Variants in OSGIN1 observed in about 807,000 individuals in gnomAD.
OSGIN1 encodes the protein oxidative stress induced growth inhibitor 1, also known as oxidative stress-induced growth inhibitor 1.
Under a neutral mutation model 20.1 loss-of-function variants are expected in OSGIN1, and 19 were observed. That is an observed-to-expected ratio of 0.95 (90% CI 0.66 to 1.39). The LOEUF (loss-of-function observed/expected upper bound fraction) is 1.39. OSGIN1 is among the 40% of genes most tolerant of loss of function. OSGIN1 has a pLI of 0.00. For missense variants in OSGIN1, 820 were observed against 653.0 expected (o/e 1.26, Z -2.79); for synonymous variants, 368 against 297.8 (o/e 1.24, Z -2.43).
intron 5 of OSGIN1, among the ~76,000 whole-genome samples, chr16:83,963,944 C>T (rs2084245506): frequency 6.6e-6 from 1 of 152,214 alleles, no homozygotes; most frequent in Non-Finnish European, 1.5e-5. Context: ...CCTGCTGCTG[C>T]GTGGGCTGGG....
At position 83,953,289 on chromosome 16, in the gene OSGIN1, G is replaced by T. The variant is rs1294248084; in HGVS notation, c.-114G>T. ...TAATGGGTGTCCCGATCTCGCGGGGGACTCTGTGATCCGTGTTCCCCTGAC... is the reference window on the plus strand; with the variant it reads ...TAATGGGTGTCCCGATCTCGCGGGGTACTCTGTGATCCGTGTTCCCCTGAC... On this transcript the variant is annotated 5_prime_UTR_variant, in exon 1 of 6. Transcript: ENST00000393306. 3.4e-5 allele frequency: 44 copies of T among 1,288,344 alleles called. No homozygotes were observed. The highest frequency in any genetic ancestry group is 4.0e-5 in the Non-Finnish European group (40 of 988,084). The allele number at this position is 1,288,344 out of a possible 1,614,324, so 79.8% of individuals were successfully genotyped here.
intron 1 of OSGIN1, chr16:83,954,705 T>C: frequency 1.0e-6 from 1 of 971,400 alleles, no homozygotes; most frequent in Non-Finnish European, 1.2e-6. Context: ...TTCAAGAGCC[T>C]GAGGACAGTC....
chr16:83,960,690 G>A lies in OSGIN1; in HGVS notation c.326G>A (p.Trp109Ter). ...FGGNMKSVLT[W>*]KHRKEHAIPH... ...GGAAACATGAAGTCGGTCCTCACCT[G>A]GAAGCACCGGAAGGAGCACGCCATC... The change falls in exon 4 of 6, where the codon TGG becomes TAG. Residue 109 changes from tryptophan to a stop codon, truncating the protein, a stop_gained. Coordinates refer to ENST00000393306, the MANE Select transcript of OSGIN1 (RefSeq NM_182981.3). LOFTEE classifies it high-confidence loss of function. 1 of 1,613,588 alleles carries A rather than the reference G, an allele frequency of 6.2e-7. No homozygotes were observed. Among genetic ancestry groups the A allele is most frequent in the South Asian group, 1.1e-5 (1 of 91,088 alleles).
intron 5 of OSGIN1, among the ~76,000 whole-genome samples, chr16:83,964,137 C>G (rs1297940129): frequency 1.3e-5 from 2 of 152,066 alleles, no homozygotes; most frequent in Non-Finnish European, 2.9e-5. Context: ...AACCCCATCT[C>G]TAATAAAAAT....
rs753420128 is a variant in OSGIN1 at position 83,957,682 on chromosome 16, C to G, written c.11C>G (p.Ser4Cys). The stretch of plus-strand genomic sequence containing the variant: ...AGCCCCCCACCAGCCATGAGCTCCT[C>G]CAGAAAGGACCACCTCGGCGCCAGC... The part of the protein sequence containing the change: MSS[S>C]RKDHLGASSS... Residue 4 changes from serine (S) to cysteine (C), a missense_variant, in exon 2 of 6, where the codon TCC (serine) becomes TGC (cysteine). By Grantham distance (112) the Ser-to-Cys change is moderately radical. Transcript: ENST00000393306. The G allele has an allele frequency of 1.9e-6, 3 of 1,606,822 alleles. No homozygotes were observed. The highest frequency in any genetic ancestry group is 2.6e-6 in the Non-Finnish European group (3 of 1,176,344).
At position 83,953,337 on chromosome 16, in the gene OSGIN1, G is replaced by C. The variant is rs758192062; in HGVS notation, c.-66G>C. 8.5e-6 allele frequency: 11 copies of C among 1,288,822 alleles called. No homozygotes were observed. Among genetic ancestry groups the C allele is most frequent in the Non-Finnish European group, 1.0e-5 (10 of 988,588 alleles). 79.8% of individuals were successfully genotyped at this position (1,288,822 alleles called of 1,614,324 possible). A position where few individuals can be genotyped will look rare whatever the true frequency, so the allele number is the denominator to read the frequency against. On this transcript the variant is annotated 5_prime_UTR_variant, in exon 1 of 6. Transcript: ENST00000393306. ...GACCCTCCTAGTGCACAACTTGGCC[G>C]GGCTCACTGGGCTCCTGCACCACTG... is the stretch of plus-strand genomic sequence containing the variant.
intron 3 of OSGIN1, 59 bp from the exon 4 acceptor site, chr16:83,960,510 C>G (rs1597180164): frequency 1.4e-6 from 2 of 1,411,312 alleles, no homozygotes; most frequent in East Asian, 2.3e-5. Context: ...CAGCCTCAGG[C>G]TCTGGGAAGA....
chr16:83,966,034 G>T lies in OSGIN1; in HGVS notation c.*27G>T. 2 of 1,470,192 alleles carry T rather than the reference G, an allele frequency of 1.4e-6. No homozygotes were observed. Among genetic ancestry groups the T allele is most frequent in the Non-Finnish European group, 1.8e-6 (2 of 1,103,234 alleles). The allele number at this position is 1,470,192 out of a possible 1,614,324, so 91.1% of individuals were successfully genotyped here. On this transcript the variant is annotated 3_prime_UTR_variant, in exon 6 of 6. Coordinates refer to ENST00000393306, the MANE Select transcript of OSGIN1 (RefSeq NM_182981.3). Reference sequence around the variant, plus strand: ...ACTCGGCCAGACCCGCTGGCTCCCAGGCCCTGAGAGGACAGAGATGACCAC... The same window carrying T: ...ACTCGGCCAGACCCGCTGGCTCCCATGCCCTGAGAGGACAGAGATGACCAC...
At position 83,960,966 on chromosome 16, in the gene OSGIN1, T is replaced by C; in HGVS notation, c.397-15T>C. The C allele has an allele frequency of 6.2e-7, 1 of 1,611,730 alleles. No individual in the cohort carries two copies. Among genetic ancestry groups the C allele is most frequent in the Non-Finnish European group, 8.5e-7 (1 of 1,178,406 alleles). On this transcript the variant is annotated splice_polypyrimidine_tract_variant and intron_variant, in intron 4 of 5. Transcript: ENST00000393306. Reference sequence around the variant, plus strand: ...GCGAGCAGAGGCCTGGACCAAAGGGTTCCTTTCCCTGCAGTCCATCGAAGG... The same window carrying C: ...GCGAGCAGAGGCCTGGACCAAAGGGCTCCTTTCCCTGCAGTCCATCGAAGG...
intron 5 of OSGIN1, among the ~76,000 whole-genome samples, chr16:83,961,463 C>A (rs1567656900): frequency 6.6e-6 from 1 of 152,208 alleles, no homozygotes; most frequent in East Asian, 1.9e-4. Context: ...TCTCAGGGAG[C>A]AGAGGGGTGA....
rs1334698850 is a variant in OSGIN1, at chr16:83,957,741, G to A, written c.67+3G>A. 3.2e-6 allele frequency: 5 copies of A among 1,571,016 alleles called. No individual in the cohort carries two copies. The highest frequency in any genetic ancestry group is 1.4e-5 in the African/African-American group (1 of 73,748). ...GCCCCTCCCGGTCATCATTGTGGGT[G>A]AGTGTCAGGCCCCAGCCAGGGAGGG... On this transcript the variant is annotated splice_donor_region_variant and intron_variant, in intron 2 of 5. Coordinates refer to ENST00000393306, the MANE Select transcript of OSGIN1 (RefSeq NM_182981.3).
chr16:83,965,316 C>A lies in OSGIN1; in HGVS notation c.743C>A (p.Thr248Lys). ...WARNVVLATG[T>K]FDSPARLGIP... ...CGCAACGTGGTCCTCGCCACAGGCACGTTCGACAGCCCGGCCCGGCTGGGC... is the reference window on the plus strand; with the variant it reads ...CGCAACGTGGTCCTCGCCACAGGCAAGTTCGACAGCCCGGCCCGGCTGGGC... The change falls in exon 6 of 6, where the codon ACG (threonine) becomes AAG (lysine). Residue 248 changes from threonine (T) to lysine (K), a missense_variant. Coordinates refer to ENST00000393306, the MANE Select transcript of OSGIN1 (RefSeq NM_182981.3). 5 of 1,583,608 alleles carry A rather than the reference C, an allele frequency of 3.2e-6. No homozygotes were observed. Among genetic ancestry groups the A allele is most frequent in the Non-Finnish European group, 4.3e-6 (5 of 1,164,348 alleles).
chr16:83,960,718 C>G lies in OSGIN1; in HGVS notation c.354C>G (p.Pro118=), dbSNP rs1909169243. The G allele has an allele frequency of 1.2e-6, 2 of 1,613,352 alleles. No individual in the cohort carries two copies. Among genetic ancestry groups the G allele is most frequent in the South Asian group, 1.1e-5 (1 of 91,094 alleles). The change falls in exon 4 of 6, where the codon CCC becomes CCG. Residue 118 remains proline (P), a synonymous_variant. Transcript: ENST00000393306. ...AGCACCGGAAGGAGCACGCCATCCC[C>G]CACGTGGTTCTGGGCCGGAACCTCC... ...TWKHRKEHAI[P]HVVLGRNLPG...
At chr16:83,960,516 G>A in intron 3 of OSGIN1, 53 bp from the exon 4 acceptor site, 2 of 1,478,212 alleles carry the variant, frequency 1.4e-6, no homozygotes, top group Non-Finnish European at 9.3e-7. Context: ...CAGGCTCTGG[G>A]AAGACGACCC....
intron 1 of OSGIN1, chr16:83,954,550 G>A (rs1463515754): frequency 6.6e-6 from 1 of 152,590 alleles, no homozygotes; most frequent in Non-Finnish European, 1.5e-5. Context: ...TTTGTAAGTT[G>A]GCAGCATATT....
chr16:83,957,885 T>A (rs570389435), intron 2 of OSGIN1, 147 bp downstream of exon 2: 9 of 372,568 alleles, frequency 2.4e-5, no homozygotes, highest in African/African-American at 1.7e-4. Flanking sequence ...ATTTATTTAT[T>A]TATTTATTTG....
At chr16:83,961,104 C>G (rs375722592) in intron 5 of OSGIN1, 32 bp downstream of exon 5, 2 of 1,548,804 alleles carry the variant, frequency 1.3e-6, no homozygotes, top group African/African-American at 1.4e-5. Flanking sequence ...TTGGGGGACA[C>G]GGAAGGTTGG....
chr16:83,960,465 G>T, intron 3 of OSGIN1, 104 bp from the exon 4 acceptor site: 1 of 875,378 alleles, frequency 1.1e-6, no homozygotes, highest in Non-Finnish European at 1.8e-6. Flanking sequence ...CCAGTGCCAG[G>T]GAAATGGCCC....
intron 2 of OSGIN1, among the ~76,000 whole-genome samples, chr16:83,958,452 G>A (rs1019511508): frequency 6.6e-6 from 1 of 152,184 alleles, no homozygotes; most frequent in Non-Finnish European, 1.5e-5. Context: ...CCTGTCCTCT[G>A]TCTGCACAAA....
Sources: allele counts gnomAD v4.1 joint callset (sites outside exome capture counted in the v4.1 genomes callset), GRCh38; gene constraint gnomAD v4.1.1; transcripts MANE v1.5; gene names NCBI Gene and HGNC (gene_info 2026-07-23, HGNC 2026-07-21).